DGLUCY: variants seen among roughly 807,000 people sequenced by gnomAD.
The protein encoded by DGLUCY is D-glutamate cyclase, mitochondrial.
DGLUCY carries 58 observed loss-of-function variants against 58.5 expected under a neutral mutation model. The ratio of observed to expected loss-of-function variants is 0.99; its 90% CI spans 0.80 to 1.23. The LOEUF is 1.23. Ranked by LOEUF, DGLUCY falls within the 50% of genes most tolerant of loss-of-function variation. DGLUCY has a pLI of 0.00. For synonymous variants in DGLUCY, 325 were observed against 314.1 expected (o/e 1.03, Z -0.37); for missense variants, 779 against 784.7 (o/e 0.99, Z 0.09).
At chr14:91,130,482 A>AT (rs1169008908) in intron 1 of DGLUCY, among the ~76,000 whole-genome samples, 15 of 151,534 alleles carry the variant, frequency 9.9e-5, no homozygotes, top group African/African-American at 3.6e-4. Flanking sequence ...TAATTTTTGT[A>AT]TTTTTAGTAG....
At chr14:91,210,240 G>C (rs931626259) in intron 12 of DGLUCY, among the ~76,000 whole-genome samples, 26 of 152,170 alleles carry the variant, frequency 1.7e-4, no homozygotes, top group African/African-American at 1.2e-4. Flanking sequence ...AAGTTGATGG[G>C]GGGGAGCATA....
chr14:91,168,434 A>G (rs1428158117), intron 4 of DGLUCY, among the ~76,000 whole-genome samples: 1 of 151,980 alleles, frequency 6.6e-6, no homozygotes, highest in Admixed American at 6.6e-5. Context: ...CCCCAGGAAC[A>G]TTCTGTCATG....
At chr14:91,127,494 G>T (rs1200850388) in intron 1 of DGLUCY, among the ~76,000 whole-genome samples, 2 of 152,268 alleles carry the variant, frequency 1.3e-5, no homozygotes, top group African/African-American at 4.8e-5. Flanking sequence ...CCTTCAGACT[G>T]CAGCCTTCTG....
intron 10 of DGLUCY, among the ~76,000 whole-genome samples, chr14:91,196,776 A>G (rs1404023993): frequency 2.7e-5 from 4 of 149,446 alleles, no homozygotes; most frequent in African/African-American, 9.8e-5. Context: ...AAAGTTTCTC[A>G]GTCTCAAACT....
chr14:91,167,184 A>G, intron 3 of DGLUCY, 41 bp from the exon 4 acceptor site: 1 of 1,543,746 alleles, frequency 6.5e-7, no homozygotes. Context: ...CTGCCAAGAA[A>G]CCGCTGACTA....
intron 1 of DGLUCY, among the ~76,000 whole-genome samples, chr14:91,089,263 C>T (rs1039081377): frequency 2.0e-5 from 3 of 152,124 alleles, no homozygotes; most frequent in African/African-American, 4.8e-5. Flanking sequence ...ATGTCCAACT[C>T]AGGAGCCGGT....
intron 1 of DGLUCY, among the ~76,000 whole-genome samples, chr14:91,138,688 A>G (rs1298172881): frequency 6.6e-6 from 1 of 152,118 alleles, no homozygotes; most frequent in Non-Finnish European, 1.5e-5. Context: ...CACAATTTTA[A>G]GCCATCAAAT....
chr14:91,189,978 C>CTTTTTT (rs55652724), intron 9 of DGLUCY, among the ~76,000 whole-genome samples: 1 of 81,002 alleles, frequency 1.2e-5, no homozygotes, highest in East Asian at 4.5e-4. Flanking sequence ...CTGTTAGGTT[C>CTTTTTT]TTTTTTTTTT....
intron 1 of DGLUCY, among the ~76,000 whole-genome samples, chr14:91,126,834 G>A (rs558483307): frequency 1.3e-5 from 2 of 152,248 alleles, no homozygotes; most frequent in East Asian, 1.9e-4. Context: ...TGGGGTGAGG[G>A]TTGGGACTTG....
intron 12 of DGLUCY, among the ~76,000 whole-genome samples, chr14:91,210,728 A>G (rs1035068715): frequency 1.3e-5 from 2 of 152,194 alleles, no homozygotes; most frequent in African/African-American, 2.4e-5. Flanking sequence ...GAACTCGATA[A>G]AGAACATCTA....
chr14:91,167,468 G>A lies in DGLUCY; in HGVS notation c.257+90G>A, dbSNP rs1037466019. The A allele has an allele frequency of 1.6e-5, 25 of 1,539,788 alleles. No individual in the cohort carries two copies. The Middle Eastern group carries it at 5.0e-4, about 31-fold the overall frequency. ...CTGTCATCCGGGACCTCTCTGTCCA[G>A]CCTCAGGGACCTTCACAGTGCCTGG... is the stretch of plus-strand genomic sequence containing the variant. On this transcript the variant is annotated intron_variant, in intron 4 of 13. Coordinates refer to ENST00000256324, the MANE Select transcript of DGLUCY (RefSeq NM_001102368.3).
intron 1 of DGLUCY, among the ~76,000 whole-genome samples, chr14:91,087,015 G>C (rs1206317347): frequency 1.3e-5 from 2 of 152,192 alleles, no homozygotes; most frequent in Admixed American, 1.3e-4. Context: ...TGACCGCAGG[G>C]TCCAAATCAG....
intron 12 of DGLUCY, among the ~76,000 whole-genome samples, chr14:91,214,186 A>G (rs1230279598): frequency 6.6e-6 from 1 of 152,038 alleles, no homozygotes; most frequent in Admixed American, 6.6e-5. Flanking sequence ...CCATGCTCCC[A>G]TAATTCTGCG....
intron 1 of DGLUCY, among the ~76,000 whole-genome samples, chr14:91,116,840 A>G (rs1230558855): frequency 6.6e-6 from 1 of 151,704 alleles, no homozygotes; most frequent in Non-Finnish European, 1.5e-5. Context: ...GCTATTTGGG[A>G]GGCTGAGGCA....
In DGLUCY at chr14:91,179,522, C is replaced by T. The variant is rs549665447; in HGVS notation, c.731-1664C>T. Among the ~76,000 whole-genome samples, 8 of 152,180 alleles carry T rather than the reference C, an allele frequency of 5.3e-5. No individual in the cohort carries two copies. In the South Asian group the frequency reaches 1.7e-3, roughly 32 times the overall value. On this transcript the variant is annotated intron_variant, in intron 7 of 13. Coordinates refer to ENST00000256324, the MANE Select transcript of DGLUCY (RefSeq NM_001102368.3). ...ATCCCAGCACTCTGGGAGGCTGAGACAGGAGGATCACCTGAGGTCAGGAGT... is the reference window on the plus strand; with the variant it reads ...ATCCCAGCACTCTGGGAGGCTGAGATAGGAGGATCACCTGAGGTCAGGAGT...
intron 1 of DGLUCY, among the ~76,000 whole-genome samples, chr14:91,062,610 T>TA (rs201932768): frequency 2.5e-4 from 6 of 23,998 alleles, no homozygotes; most frequent in East Asian, 1.8e-3. Flanking sequence ...TATATATATA[T>TA]AAACAATCCT....
chr14:91,075,072 CAAA>C (rs1163669924), intron 1 of DGLUCY, among the ~76,000 whole-genome samples: 10 of 115,320 alleles, frequency 8.7e-5, no homozygotes, highest in African/African-American at 9.5e-5. Context: ...AACTCCGTCT[CAAA>C]AAAAAAAAAA....
chr14:91,165,211 TTTC>T (rs2048209812), intron 3 of DGLUCY: 1 of 456,060 alleles, frequency 2.2e-6, no homozygotes, highest in African/African-American at 2.0e-5. Context: ...CCGTTACGTG[TTTC>T]TTCTGTAACC....
chr14:91,099,987 A>C (rs746844112), intron 1 of DGLUCY, among the ~76,000 whole-genome samples: 2 of 150,580 alleles, frequency 1.3e-5, no homozygotes, highest in African/African-American at 2.4e-5. Flanking sequence ...CCGGGAGGCA[A>C]TAGGTTGCGG....
Sources: allele counts gnomAD v4.1 joint callset (sites outside exome capture counted in the v4.1 genomes callset), GRCh38; gene constraint gnomAD v4.1.1; transcripts MANE v1.5; gene names NCBI Gene and HGNC (gene_info 2026-07-23, HGNC 2026-07-21).